The following NHSL2 variants were observed in gnomAD, a reference collection of about 807,000 sequenced individuals.
NHSL2 encodes the protein NHS-like protein 2.
A neutral mutation model predicts 53.4 loss-of-function variants in NHSL2; 27 were observed. That is an observed-to-expected ratio of 0.51 (90% CI 0.37 to 0.70). The LOEUF (loss-of-function observed/expected upper bound fraction) is 0.70, where lower values mean the gene tolerates loss of function less well. Among genes scored for constraint, NHSL2 ranks in the 30% least tolerant of loss-of-function variants. The pLI is 0.00. For missense variants in NHSL2, 892 were observed against 980.1 expected, an observed-to-expected ratio of 0.91 and a Z score of 1.20; for synonymous variants, 408 against 404.1, an observed-to-expected ratio of 1.01 and a Z score of -0.12.
At chrX:71,921,143 C>T (rs2041656410) in intron 1 of NHSL2, among the ~76,000 whole-genome samples, 1 of 108,855 alleles carries the variant, frequency 9.2e-6, no homozygotes, top group South Asian at 4.3e-4. Flanking sequence ...AGGGGTTGGG[C>T]ACAGTGGCTC....
intron 1 of NHSL2, among the ~76,000 whole-genome samples, chrX:71,953,308 G>A (rs938948037): frequency 8.9e-6 from 1 of 112,230 alleles, no homozygotes; most frequent in African/African-American, 3.2e-5. Flanking sequence ...CAGAGAGTGG[G>A]AGTCCATCTC....
At chrX:72,092,751 T>C (rs758125112) in intron 1 of NHSL2, among the ~76,000 whole-genome samples, 13 of 105,903 alleles carry the variant, frequency 1.2e-4, no homozygotes, top group Non-Finnish European at 2.4e-4. Flanking sequence ...AGCAAATTCA[T>C]TAACTGCATT....
chrX:72,081,703 C>T (rs1434052460), intron 1 of NHSL2, among the ~76,000 whole-genome samples: 1 of 112,366 alleles, frequency 8.9e-6, no homozygotes, highest in Non-Finnish European at 1.9e-5. Flanking sequence ...GGTGAAAGTC[C>T]GGATTTATTT....
At chrX:71,911,735 A>C (rs1381400272) in intron 1 of NHSL2, among the ~76,000 whole-genome samples, 4 of 112,689 alleles carry the variant, frequency 3.5e-5, no homozygotes, top group Non-Finnish European at 7.5e-5. Context: ...CGCCGTCCTC[A>C]TCGCCGCGTC....
At chrX:72,023,458 A>G (rs1368728827) in intron 1 of NHSL2, among the ~76,000 whole-genome samples, 1 of 112,776 alleles carries the variant, frequency 8.9e-6, no homozygotes, top group African/African-American at 3.2e-5. Context: ...TGAAAACAAT[A>G]TTTCCAGTTG....
rs777159281 is a variant in NHSL2 at position 72,140,095 on chromosome X, G to A, written c.2547G>A (p.Glu849=). The change falls in exon 6 of 8, where the codon GAG becomes GAA. Residue 849 remains glutamate (E), a synonymous_variant. Transcript: ENST00000633930. The part of the protein sequence containing the change: ...SEPEDDIESP[E]YAEEPRAEEV... Reference sequence around the variant, plus strand: ...CGGAAGATGATATTGAGAGCCCTGAGTATGCCGAGGAACCCAGAGCAGAAG... The same window carrying A: ...CGGAAGATGATATTGAGAGCCCTGAATATGCCGAGGAACCCAGAGCAGAAG... 44 of 1,207,903 alleles carry A rather than the reference G, an allele frequency of 3.6e-5. No homozygotes were observed. Among genetic ancestry groups the A allele is most frequent in the Non-Finnish European group, 4.9e-5 (44 of 893,991 alleles).
intron 1 of NHSL2, among the ~76,000 whole-genome samples, chrX:72,049,296 G>C (rs1322326200): frequency 8.9e-6 from 1 of 111,844 alleles, no homozygotes; most frequent in African/African-American, 3.3e-5. Context: ...CCAGAATGCG[G>C]ATCTGGGGGC....
intron 1 of NHSL2, among the ~76,000 whole-genome samples, chrX:71,955,939 C>G (rs977789611): frequency 1.8e-5 from 2 of 111,315 alleles, no homozygotes; most frequent in Non-Finnish European, 3.8e-5. Flanking sequence ...GCAGGACAGC[C>G]TGAGGAACTT....
At chrX:71,928,746 G>A (rs1450993363) in intron 1 of NHSL2, among the ~76,000 whole-genome samples, 1 of 111,216 alleles carries the variant, frequency 9.0e-6, no homozygotes, top group Non-Finnish European at 1.9e-5. Flanking sequence ...AACTTGGGCT[G>A]TCATAGGTGG....
intron 1 of NHSL2, among the ~76,000 whole-genome samples, chrX:71,969,737 T>G (rs1489399155): frequency 8.9e-6 from 1 of 112,884 alleles, no homozygotes; most frequent in Non-Finnish European, 1.9e-5. Context: ...AGAGATAGTT[T>G]TACTTCTTCC....
intron 1 of NHSL2, among the ~76,000 whole-genome samples, chrX:72,060,071 A>G (rs778316258): frequency 8.9e-6 from 1 of 112,029 alleles, no homozygotes. Context: ...AAGGGGAAAA[A>G]AGTGCATTTG....
chrX:72,036,784 C>T (rs1022705897), intron 1 of NHSL2, among the ~76,000 whole-genome samples: 3 of 112,201 alleles, frequency 2.7e-5, no homozygotes, highest in Non-Finnish European at 3.8e-5. Flanking sequence ...AGCCCATCCA[C>T]TGAGTTTTTA....
intron 1 of NHSL2, among the ~76,000 whole-genome samples, chrX:71,913,908 A>G (rs900810709): frequency 1.8e-5 from 2 of 112,744 alleles, no homozygotes; most frequent in Admixed American, 9.3e-5. Context: ...TTCTCTACAC[A>G]ATCACAATCA....
At chrX:72,030,263 C>T (rs2042207684) in intron 1 of NHSL2, among the ~76,000 whole-genome samples, 2 of 111,948 alleles carry the variant, frequency 1.8e-5, no homozygotes, top group Admixed American at 9.4e-5. Context: ...ACCTTTGCCC[C>T]GTCCTGTGCA....
intron 1 of NHSL2, among the ~76,000 whole-genome samples, chrX:72,024,077 T>C (rs1222653688): frequency 8.9e-6 from 1 of 111,907 alleles, no homozygotes; most frequent in Non-Finnish European, 1.9e-5. Context: ...TTAGGGTCTC[T>C]TTCTGTTTCA....
chrX:71,996,205 C>T (rs1203081084), intron 1 of NHSL2, among the ~76,000 whole-genome samples: 3 of 113,351 alleles, frequency 2.6e-5, no homozygotes, highest in Non-Finnish European at 5.6e-5. Context: ...CATTCATGCC[C>T]CCTGGGCATG....
In NHSL2 at chrX:72,140,307, G is replaced by A; in HGVS notation, c.2759G>A (p.Ser920Asn). Residue 920 changes from serine (S) to asparagine (N), a missense_variant, in exon 6 of 8, where the codon AGC becomes AAC. Physicochemically the swap from Ser to Asn is conservative, Grantham distance 46. Transcript: ENST00000633930. ...CATGCGAGACCACTCCCTCAAGACA[G>A]CTACACGGTAGTGCGGAAACCAAAG... is the stretch of plus-strand genomic sequence containing the variant. The part of the protein sequence containing the change: ...IQHARPLPQD[S>N]YTVVRKPKPS... 8.3e-7 allele frequency: 1 copy of A among 1,211,089 alleles called. No individual in the cohort carries two copies. Among genetic ancestry groups the A allele is most frequent in the Non-Finnish European group, 1.1e-6 (1 of 895,128 alleles).
At chrX:71,989,876 G>C (rs2042019824) in intron 1 of NHSL2, among the ~76,000 whole-genome samples, 1 of 112,366 alleles carries the variant, frequency 8.9e-6, no homozygotes, top group African/African-American at 3.2e-5. Flanking sequence ...CTCGTGGCTC[G>C]GGCATTGAGC....
At chrX:72,092,908 T>G (rs1736801079) in intron 1 of NHSL2, among the ~76,000 whole-genome samples, 1 of 112,549 alleles carries the variant, frequency 8.9e-6, no homozygotes, top group Non-Finnish European at 1.9e-5. Context: ...AAAATGAGGC[T>G]TATAGTATCT....
Sources: gnomAD v4.1 joint callset for allele counts (sites outside exome capture counted in the v4.1 genomes callset) on GRCh38, gnomAD v4.1.1 for gene constraint, MANE v1.5 for transcripts, NCBI Gene and HGNC (gene_info 2026-07-23, HGNC 2026-07-21) for gene names.